The following CCNJL variants were observed in gnomAD, a reference collection of about 807,000 sequenced individuals.
The protein encoded by CCNJL is cyclin J like, also known as cyclin-J-like protein.
CCNJL carries 33 observed loss-of-function variants against 33.4 expected under a neutral mutation model. The ratio of observed to expected loss-of-function variants is 0.99; its 90% CI spans 0.75 to 1.32. The LOEUF (loss-of-function observed/expected upper bound fraction) is 1.32. CCNJL is among the 40% of genes most tolerant of loss of function. The probability of loss-of-function intolerance (pLI) is 0.00; values close to 1 mark genes in which losing one functional copy is unlikely to be tolerated. For synonymous variants in CCNJL, 227 were observed against 220.9 expected (o/e 1.03, Z -0.24); for missense variants, 512 against 499.7 (o/e 1.02, Z -0.23).
intron 1 of CCNJL, among the ~76,000 whole-genome samples, chr5:160,320,176 A>T (rs1581018829): frequency 6.6e-6 from 1 of 152,208 alleles, no homozygotes; most frequent in Non-Finnish European, 1.5e-5. Context: ...ATGAAGAATC[A>T]TGAGGTATAA....
At chr5:160,271,784 G>T (rs1394051303) in intron 3 of CCNJL, among the ~76,000 whole-genome samples, 1 of 152,240 alleles carries the variant, frequency 6.6e-6, no homozygotes, top group Admixed American at 6.5e-5. Flanking sequence ...CACATCAAAT[G>T]TAAGACCTGT....
intron 3 of CCNJL, chr5:160,261,228 A>G (rs1164979649): frequency 6.6e-6 from 1 of 152,154 alleles, no homozygotes; most frequent in Admixed American, 6.5e-5. Context: ...GAATGAATCA[A>G]CCACGTCTCA....
chr5:160,269,490 C>T (rs573145650), intron 3 of CCNJL: 17 of 456,490 alleles, frequency 3.7e-5, no homozygotes, highest in East Asian at 1.4e-4. Context: ...CCAGGTCTGA[C>T]GGCACTGCTG....
intron 1 of CCNJL, among the ~76,000 whole-genome samples, chr5:160,320,688 T>C (rs1390067843): frequency 1.3e-5 from 2 of 152,182 alleles, no homozygotes; most frequent in Non-Finnish European, 2.9e-5. Context: ...TATTGCCAGA[T>C]TGTTTGACTT....
chr5:160,285,481 G>C (rs1160453176), intron 2 of CCNJL, among the ~76,000 whole-genome samples: 2 of 152,214 alleles, frequency 1.3e-5, no homozygotes, highest in African/African-American at 4.8e-5. Context: ...AAGAATTGCA[G>C]TGGTGGATAC....
chr5:160,318,127 C>A (rs1336978545), intron 1 of CCNJL, among the ~76,000 whole-genome samples: 1 of 152,096 alleles, frequency 6.6e-6, no homozygotes, highest in Non-Finnish European at 1.5e-5. Context: ...AGCAATTCTC[C>A]TGCCTCAGCC....
At chr5:160,283,217 TTA>T (rs1306269443) in intron 2 of CCNJL, among the ~76,000 whole-genome samples, 1 of 151,258 alleles carries the variant, frequency 6.6e-6, no homozygotes, top group Non-Finnish European at 1.5e-5. Flanking sequence ...CTTGAAAACA[TTA>T]TGTTAAGTGA....
rs548353467 is a variant in CCNJL, at chr5:160,264,930, T to A, written c.281-5159A>T. On this transcript the variant is annotated intron_variant, in intron 3 of 5. Coordinates refer to ENST00000257536, the MANE Select transcript of CCNJL (RefSeq NM_001308173.3). ...TAAAAAGCCGTTTCATTTTAGAAAA[T>A]TTTAAATATACGAAAAGAGAGAGAG... 2.0e-5 allele frequency among the ~76,000 whole-genome samples: 3 copies of A among 152,196 alleles called. No homozygotes were observed. The East Asian group carries it at 5.8e-4, about 29-fold the overall frequency.
rs1355581466 is a variant in CCNJL, at chr5:160,249,783, A to AATAT, written c.*3594_*3595insATAT. On this transcript the variant is annotated 3_prime_UTR_variant, in exon 6 of 6. Coordinates refer to ENST00000257536, the MANE Select transcript of CCNJL (RefSeq NM_001308173.3). ...GTTTCAAAAAATAAATAAATAAATA[A>AATAT]ATAAATAAATAAATAAATAAATAAA... is the stretch of plus-strand genomic sequence containing the variant. The AATAT allele has an allele frequency of 7.4e-6, 1 of 134,356 alleles. No homozygotes were observed. Among genetic ancestry groups the AATAT allele is most frequent in the Non-Finnish European group, 1.8e-5 (1 of 56,482 alleles). The allele number at this position is 134,356 out of a possible 1,614,324, so 8.3% of individuals were successfully genotyped here.
At chr5:160,310,214 T>G (rs987965439) in intron 2 of CCNJL, among the ~76,000 whole-genome samples, 4 of 152,124 alleles carry the variant, frequency 2.6e-5, no homozygotes, top group African/African-American at 7.2e-5. Flanking sequence ...AGCCACCTCC[T>G]CCAGAAAAGG....
At chr5:160,312,734 T>A (rs1188721163), upstream of CCNJL, 4 of 152,044 alleles carry the variant, frequency 2.6e-5, no homozygotes, top group African/African-American at 4.8e-5. Flanking sequence ...GGCGGAAAGC[T>A]TCTCTCTCAC....
chr5:160,320,798 T>TTTCC (rs2113471740), intron 1 of CCNJL, among the ~76,000 whole-genome samples: 1 of 56,888 alleles, frequency 1.8e-5, no homozygotes, highest in Non-Finnish European at 4.1e-5. Flanking sequence ...CCTTTCTTTC[T>TTTCC]TTCTTTCTTT....
At position 160,249,810 on chromosome 5, in the gene CCNJL, TAAA is replaced by T. The variant is rs1039610028; in HGVS notation, c.*3565_*3567del. On this transcript the variant is annotated 3_prime_UTR_variant, in exon 6 of 6. Transcript: ENST00000257536. ...TAAATAAATAAATAAATAAATAAAA[TAAA>T]AATTTAAAAAATCAAACTAAACTGG... is the stretch of plus-strand genomic sequence containing the variant. The T allele has an allele frequency of 7.0e-6, 1 of 143,378 alleles. No homozygotes were observed. Among genetic ancestry groups the T allele is most frequent in the African/African-American group, 2.5e-5 (1 of 39,246 alleles). 8.9% of individuals were successfully genotyped at this position (143,378 alleles called of 1,614,324 possible).
chr5:160,273,083 A>G (rs1761894134), intron 3 of CCNJL, among the ~76,000 whole-genome samples: 1 of 152,238 alleles, frequency 6.6e-6, no homozygotes, highest in Non-Finnish European at 1.5e-5. Context: ...GCAGTAACCC[A>G]GCTGTGTAAA....
intron 2 of CCNJL, among the ~76,000 whole-genome samples, chr5:160,287,318 C>T (rs957532785): frequency 6.6e-5 from 10 of 152,172 alleles, no homozygotes; most frequent in African/African-American, 2.4e-4. Flanking sequence ...TCAAAGAAAC[C>T]TGCTTTGAGA....
At chr5:160,308,166 G>A (rs1581010895) in intron 2 of CCNJL, among the ~76,000 whole-genome samples, 1 of 152,180 alleles carries the variant, frequency 6.6e-6, no homozygotes, top group Non-Finnish European at 1.5e-5. Context: ...CTATGTGAAC[G>A]GGCCATCACT....
chr5:160,288,099 A>G (rs1382801717), intron 2 of CCNJL, among the ~76,000 whole-genome samples: 2 of 152,208 alleles, frequency 1.3e-5, no homozygotes, highest in African/African-American at 4.8e-5. Context: ...TGCTTTTGTC[A>G]TCACAGTCCT....
At chr5:160,279,463 T>C (rs1297944401) in intron 3 of CCNJL, among the ~76,000 whole-genome samples, 2 of 152,152 alleles carry the variant, frequency 1.3e-5, no homozygotes, top group African/African-American at 4.8e-5. Flanking sequence ...ATTACACAGA[T>C]TATTTTTGAG....
chr5:160,258,515 A>T (rs1761171657), intron 4 of CCNJL: 1 of 1,501,476 alleles, frequency 6.7e-7, no homozygotes, highest in Non-Finnish European at 9.3e-7. Context: ...GAAGAGGAAA[A>T]TTTCTACCTT....
Sources: allele counts gnomAD v4.1 joint callset (sites outside exome capture counted in the v4.1 genomes callset), GRCh38; gene constraint gnomAD v4.1.1; transcripts MANE v1.5; gene names NCBI Gene and HGNC (gene_info 2026-07-23, HGNC 2026-07-21).